Variants in KCNQ2 observed in about 807,000 individuals in gnomAD.
KCNQ2 encodes potassium voltage-gated channel subfamily Q member 2.
Under a neutral mutation model 84.8 loss-of-function variants are expected in KCNQ2, and 14 were observed. The ratio of observed to expected loss-of-function variants is 0.17; its 90% CI spans 0.11 to 0.26. The LOEUF (loss-of-function observed/expected upper bound fraction) is 0.26, where lower values mean the gene tolerates loss of function less well. KCNQ2 is among the 10% of genes least tolerant of loss of function. The pLI is 1.00. For synonymous variants in KCNQ2, 599 were observed against 554.1 expected, an observed-to-expected ratio of 1.08 and a Z score of -1.14; for missense variants, 788 against 1,254.0, an observed-to-expected ratio of 0.63 and a Z score of 5.61.
intron 8 of KCNQ2, among the ~76,000 whole-genome samples, chr20:63,432,684 A>AGGGAAGGCCCCACCCTCT (rs879595425): frequency 6.9e-6 from 1 of 144,230 alleles, no homozygotes; most frequent in Non-Finnish European, 1.5e-5. Flanking sequence ...CCCCACCCTC[A>AGGGAAGGCCCCACCCTCT]GGGAAGGCCC....
chr20:63,430,706 CAG>C (rs1318958962), intron 9 of KCNQ2, among the ~76,000 whole-genome samples: 9 of 152,332 alleles, frequency 5.9e-5, no homozygotes, highest in Admixed American at 3.9e-4. Context: ...GCAGTGGGGA[CAG>C]GGGTGGGACG....
At chr20:63,465,303 C>T (rs2082052236) in intron 1 of KCNQ2, among the ~76,000 whole-genome samples, 1 of 152,272 alleles carries the variant, frequency 6.6e-6, no homozygotes, top group Admixed American at 6.5e-5. Flanking sequence ...CTGAGCCACT[C>T]CCTCCTCCAG....
chr20:63,466,616 A>T (rs1253286449), intron 1 of KCNQ2: 1 of 152,174 alleles, frequency 6.6e-6, no homozygotes, highest in African/African-American at 2.4e-5. Flanking sequence ...CATCGTGTGG[A>T]GTGACTCACA....
intron 15 of KCNQ2, among the ~76,000 whole-genome samples, chr20:63,409,157 C>A (rs577260742): frequency 6.6e-6 from 1 of 152,266 alleles, no homozygotes; most frequent in Non-Finnish European, 1.5e-5. Flanking sequence ...CAGGAACCAA[C>A]GCACAAACCA....
chr20:63,416,256 C>T (rs1464045894), intron 12 of KCNQ2, among the ~76,000 whole-genome samples: 1 of 152,232 alleles, frequency 6.6e-6, no homozygotes, highest in Non-Finnish European at 1.5e-5. Flanking sequence ...CTGGCTGGGT[C>T]TCCAGCTCCA....
rs560377430 is a variant in KCNQ2 at position 63,419,430 on chromosome 20, C to A, written c.1301+189G>T. Among the ~76,000 whole-genome samples, 8 of 152,348 alleles carry A rather than the reference C, an allele frequency of 5.3e-5. No homozygotes were observed. In the South Asian group the frequency reaches 1.5e-3, roughly 28 times the overall value. ...GTGGGGAGCAAGAAGAAGCACCTTC[C>A]CCCAGCTCCGCCCTGCACGCAGCTG... is the stretch of plus-strand genomic sequence containing the variant. On this transcript the variant is annotated intron_variant, in intron 12 of 16. Coordinates refer to ENST00000359125, the MANE Select transcript of KCNQ2 (RefSeq NM_172107.4).
rs201290792 is a variant in KCNQ2, at chr20:63,463,137, G to T, written c.296+9031C>A. Among the ~76,000 whole-genome samples, 10 of 152,064 alleles carry T rather than the reference G, an allele frequency of 6.6e-5. No homozygotes were observed. In the East Asian group the frequency reaches 1.7e-3, roughly 26 times the overall value. On this transcript the variant is annotated intron_variant, in intron 1 of 16. Coordinates refer to ENST00000359125, the MANE Select transcript of KCNQ2 (RefSeq NM_172107.4). ...TTCTGGAAGAACGGGTAAGAAGGGG[G>T]TCATCTCCCAGCTACTCAGGAGGTC...
intron 14 of KCNQ2, 148 bp downstream of exon 14, chr20:63,413,940 T>C: frequency 7.3e-6 from 5 of 680,712 alleles, no homozygotes; most frequent in East Asian, 2.7e-5. Context: ...TTCAGCCAGG[T>C]CCACCCGTGT....
At chr20:63,453,827 T>G (rs1168452268) in intron 1 of KCNQ2, 1 of 151,746 alleles carries the variant, frequency 6.6e-6, no homozygotes, top group African/African-American at 2.4e-5. Context: ...AGGGCAGGCG[T>G]ATCTGCATCC....
chr20:63,441,210 T>A (rs756584072), intron 5 of KCNQ2, among the ~76,000 whole-genome samples: 3 of 146,842 alleles, frequency 2.0e-5, no homozygotes, highest in Non-Finnish European at 4.5e-5. Context: ...GAGGGCGGGG[T>A]TCCCCCCACA....
At chr20:63,437,872 T>C (rs1206989510) in intron 7 of KCNQ2, among the ~76,000 whole-genome samples, 2 of 152,130 alleles carry the variant, frequency 1.3e-5, no homozygotes, top group Non-Finnish European at 2.9e-5. Flanking sequence ...TGCTGTGGCG[T>C]GATCTCGGCT....
rs553616999 is a variant in KCNQ2 at position 63,402,033 on chromosome 20, C to G, written c.*4611G>C. The G allele has an allele frequency of 6.9e-6, 1 of 144,984 alleles. No individual in the cohort carries two copies. The highest frequency in any genetic ancestry group is 1.4e-5 in the Non-Finnish European group (1 of 72,144). 9.0% of individuals were successfully genotyped at this position (144,984 alleles called of 1,614,324 possible). On this transcript the variant is annotated 3_prime_UTR_variant, in exon 17 of 17. Transcript: ENST00000359125. ...GGCACCCTCCATGGCAGGTCCAAGC[C>G]CTGTGAACCATCCCTCTCACACCAC...
At chr20:63,429,534 C>G (rs1015863124) in intron 9 of KCNQ2, among the ~76,000 whole-genome samples, 2 of 152,144 alleles carry the variant, frequency 1.3e-5, no homozygotes, top group African/African-American at 4.8e-5. Flanking sequence ...TCCCTCTGCC[C>G]CAGGCTGGGC....
chr20:63,430,417 G>T (rs2080757830), intron 9 of KCNQ2, among the ~76,000 whole-genome samples: 1 of 151,016 alleles, frequency 6.6e-6, no homozygotes, highest in South Asian at 2.1e-4. Flanking sequence ...TTCTGGGAAT[G>T]GAGAGTCAAC....
intron 7 of KCNQ2, chr20:63,434,419 T>C (rs139933981): frequency 4.2e-4 from 69 of 163,336 alleles, no homozygotes; most frequent in African/African-American, 1.6e-3. Context: ...TCTATGCCTT[T>C]GTTTTGTTTT....
intron 4 of KCNQ2, among the ~76,000 whole-genome samples, chr20:63,444,289 G>A (rs1428207718): frequency 1.3e-5 from 2 of 152,242 alleles, no homozygotes; most frequent in Non-Finnish European, 2.9e-5. Context: ...ACAACCACCA[G>A]GCAGGTGACT....
At chr20:63,417,175 C>A (rs2080323746) in intron 12 of KCNQ2, among the ~76,000 whole-genome samples, 1 of 152,116 alleles carries the variant, frequency 6.6e-6, no homozygotes, top group Non-Finnish European at 1.5e-5. Flanking sequence ...GTGCCTCTGT[C>A]CCAACGGCCT....
chr20:63,453,615 A>G (rs1032605693), intron 1 of KCNQ2: 13 of 152,520 alleles, frequency 8.5e-5, no homozygotes, highest in African/African-American at 3.1e-4. Flanking sequence ...CCGCGGGGAC[A>G]CAGAGGGCAT....
At chr20:63,409,459 A>T (rs1024341202) in intron 15 of KCNQ2, among the ~76,000 whole-genome samples, 1 of 152,216 alleles carries the variant, frequency 6.6e-6, no homozygotes, top group Non-Finnish European at 1.5e-5. Flanking sequence ...CCACAGAGTC[A>T]CGGCCACTGC....
Sources: gnomAD v4.1 joint callset for allele counts (sites outside exome capture counted in the v4.1 genomes callset) on GRCh38, gnomAD v4.1.1 for gene constraint, MANE v1.5 for transcripts, NCBI Gene and HGNC (gene_info 2026-07-23, HGNC 2026-07-21) for gene names.